STAT5A: variants seen among roughly 807,000 people sequenced by gnomAD.
STAT5A encodes epididymis secretory sperm binding protein.
STAT5A carries 26 observed loss-of-function variants against 100.2 expected under a neutral mutation model. The ratio of observed to expected loss-of-function variants is 0.26; its 90% confidence interval spans 0.19 to 0.36. STAT5A has a LOEUF of 0.36. Ranked by LOEUF, STAT5A falls within the 10% of genes least tolerant of loss-of-function variation. STAT5A has a pLI of 1.00. For synonymous variants in STAT5A, 330 were observed against 424.3 expected (o/e 0.78, Z 2.73); for missense variants, 634 against 1,027.5 (o/e 0.62, Z 5.24).
chr17:42,290,921 C>T (rs188844527), intron 3 of STAT5A, among the ~76,000 whole-genome samples: 9 of 152,258 alleles, frequency 5.9e-5, no homozygotes, highest in Non-Finnish European at 1.0e-4. Context: ...TTCCATGGAC[C>T]GGGATTGGGC....
At chr17:42,297,536 A>C (rs939798933) in intron 5 of STAT5A, among the ~76,000 whole-genome samples, 12 of 151,850 alleles carry the variant, frequency 7.9e-5, no homozygotes, top group Non-Finnish European at 1.3e-4. Flanking sequence ...TGCTTTTGCC[A>C]GGGAAGGCTC....
intron 5 of STAT5A, 85 bp from the exon 6 acceptor site, chr17:42,299,666 G>A (rs1438326563): frequency 5.6e-6 from 9 of 1,599,794 alleles, no homozygotes; most frequent in African/African-American, 1.3e-5. Context: ...GGAGGGTCTC[G>A]CTCCAGAACA....
upstream of STAT5A, chr17:42,287,948 CT>C (rs1315267022): frequency 6.6e-6 from 1 of 152,252 alleles, no homozygotes; most frequent in Non-Finnish European, 1.5e-5. Context: ...AGTTCTTCCC[CT>C]CTCTACAGTT....
In STAT5A at chr17:42,306,312, C is replaced by T; in HGVS notation, c.1545C>T (p.Phe515=). 6 of 1,614,092 alleles carry T rather than the reference C, an allele frequency of 3.7e-6. No individual in the cohort carries two copies. The highest frequency in any genetic ancestry group is 3.4e-6 in the Non-Finnish European group (4 of 1,179,952). The part of the protein sequence containing the change: ...PQLCEALNMK[F]KAEVQSNRGL... ...TGTGTGAGGCGCTCAACATGAAATT[C>T]AAGGCCGAAGTGCAGAGCAACCGGG... Residue 515 remains phenylalanine, a synonymous_variant, in exon 13 of 19, where the codon TTC becomes TTT. Transcript: ENST00000590949.
chr17:42,301,656 G>A (rs146148044), intron 9 of STAT5A, among the ~76,000 whole-genome samples: 43 of 152,298 alleles, frequency 2.8e-4, no homozygotes, highest in African/African-American at 9.9e-4. Flanking sequence ...ACACCCAGCC[G>A]AGTATCCGTT....
intron 9 of STAT5A, among the ~76,000 whole-genome samples, chr17:42,302,000 CA>C (rs1295373545): frequency 6.6e-6 from 1 of 152,140 alleles, no homozygotes; most frequent in Non-Finnish European, 1.5e-5. Flanking sequence ...CTCATCGCTA[CA>C]AAAAGTTTTA....
chr17:42,300,277 T>A lies in STAT5A; in HGVS notation c.829T>A (p.Ser277Thr), dbSNP rs2080963882. The A allele has an allele frequency of 6.5e-7, 1 of 1,534,978 alleles. No homozygotes were observed. Among genetic ancestry groups the A allele is most frequent in the South Asian group, 1.2e-5 (1 of 82,074 alleles). ...CGAGGGCAGCCTGGACGTGCTACAG[T>A]CCTGGTAATGGTGTGGGGCGGCCAG... ...PPEGSLDVLQSWCEKLAEIIW... is the reference protein window; with the variant it reads ...PPEGSLDVLQTWCEKLAEIIW... Residue 277 changes from serine (S) to threonine (T), a missense_variant, in exon 7 of 19, where the codon TCC becomes ACC. This residue lies in a region of STAT5A where 31 missense variants were observed against 97.6 expected (regional missense o/e 0.32). Coordinates refer to ENST00000590949, the MANE Select transcript of STAT5A (RefSeq NM_001288718.2).
chr17:42,294,895 C>A (rs1442779719), intron 4 of STAT5A, among the ~76,000 whole-genome samples: 3 of 141,728 alleles, frequency 2.1e-5, no homozygotes, highest in African/African-American at 8.7e-5. Flanking sequence ...CTACCCCTCT[C>A]TCTCTATTTT....
intron 3 of STAT5A, 39 bp from the exon 4 acceptor site, chr17:42,291,933 C>T: frequency 6.2e-7 from 1 of 1,606,794 alleles, no homozygotes; most frequent in Non-Finnish European, 8.5e-7. Flanking sequence ...ATGGCTGGAG[C>T]AGAGGATGGC....
At chr17:42,296,163 G>A (rs1045593928) in intron 5 of STAT5A, among the ~76,000 whole-genome samples, 1 of 152,108 alleles carries the variant, frequency 6.6e-6, no homozygotes, top group African/African-American at 2.4e-5. Context: ...CTCCTTAATG[G>A]TATGTATTCT....
Position 42,308,984 on chromosome 17 carries a change from G to T in STAT5A, c.2063-63G>T. 1 of 1,609,860 alleles carries T rather than the reference G, an allele frequency of 6.2e-7. No individual in the cohort carries two copies. The highest frequency in any genetic ancestry group is 1.7e-5 in the Admixed American group (1 of 59,996). On this transcript the variant is annotated intron_variant, in intron 16 of 18. Transcript: ENST00000590949. The surrounding 1 kb of genome is among the most constrained non-coding windows in gnomAD (Gnocchi z 4.6). ...AGGAGGGAGACTACATGGGGCGTGG[G>T]CTTCCACCCCACTTGGGAGTTCCCA...
Position 42,310,523 on chromosome 17 carries a change from G to T in STAT5A, c.2239G>T (p.Asp747Tyr), listed in dbSNP as rs749996722. The change falls in exon 19 of 19, where the codon GAT (aspartate) becomes TAT (tyrosine). Residue 747 changes from aspartate to tyrosine, a missense_variant. This residue lies in a region of STAT5A where 88 missense variants were observed against 95.1 expected (regional missense o/e 0.92). Transcript: ENST00000590949. Reference sequence around the variant, plus strand: ...CTTTACCAGCCCTGACCATGTACTCGATCAGGATGGAGAATTCGACCTGGA... The same window carrying T: ...CTTTACCAGCCCTGACCATGTACTCTATCAGGATGGAGAATTCGACCTGGA... Reference protein sequence around the residue: ...MYPQNPDHVLDQDGEFDLDET... With the variant: ...MYPQNPDHVLYQDGEFDLDET... 1 of 1,614,152 alleles carries T rather than the reference G, an allele frequency of 6.2e-7. No individual in the cohort carries two copies. Among genetic ancestry groups the T allele is most frequent in the Non-Finnish European group, 8.5e-7 (1 of 1,180,024 alleles).
intron 1 of STAT5A, chr17:42,289,157 A>C: frequency 2.5e-6 from 1 of 393,346 alleles, no homozygotes; most frequent in South Asian, 6.7e-5. Context: ...AGGGGAGAGG[A>C]AGACGGGGAG....
Position 42,301,467 on chromosome 17 carries a change from C to A in STAT5A, c.1169+13C>A. 1 of 1,613,972 alleles carries A rather than the reference C, an allele frequency of 6.2e-7. No homozygotes were observed. The highest frequency in any genetic ancestry group is 8.5e-7 in the Non-Finnish European group (1 of 1,179,914). ...AGAACACCCGCAAGTAATTGTGCCTCTCCCTTCCCCTGCCCAAGCTTAGGT... is the reference window on the plus strand; with the variant it reads ...AGAACACCCGCAAGTAATTGTGCCTATCCCTTCCCCTGCCCAAGCTTAGGT... On this transcript the variant is annotated intron_variant, in intron 9 of 18. Coordinates refer to ENST00000590949, the MANE Select transcript of STAT5A (RefSeq NM_001288718.2).
chr17:42,309,163 C>CA (rs1457429644), intron 17 of STAT5A, 65 bp downstream of exon 17: 239 of 1,611,696 alleles, frequency 1.5e-4, no homozygotes, highest in Non-Finnish European at 1.8e-4. Flanking sequence ...CCCTGCCTCC[C>CA]ATCCTGATCC....
At chr17:42,309,836 T>TA (rs779870120) in intron 18 of STAT5A, 1 of 232,194 alleles carries the variant, frequency 4.3e-6, no homozygotes, top group Non-Finnish European at 8.5e-6. Flanking sequence ...AAGGGCTTGA[T>TA]ACAGGGTAGC....
In STAT5A at chr17:42,308,111, T is replaced by C; in HGVS notation, c.1907-67T>C. ...CCAGATTTCTCTTGCAAGCCTGCCC[T>C]AAAGCCCCACAACCTTGGTCCTCCT... On this transcript the variant is annotated intron_variant, in intron 15 of 18. Transcript: ENST00000590949. The surrounding 1 kb of genome is among the most constrained non-coding windows in gnomAD (Gnocchi z 4.6). The C allele has an allele frequency of 6.3e-7, 1 of 1,587,198 alleles. No homozygotes were observed. Among genetic ancestry groups the C allele is most frequent in the South Asian group, 1.2e-5 (1 of 86,650 alleles).
At chr17:42,294,943 G>A (rs1421053449) in intron 4 of STAT5A, among the ~76,000 whole-genome samples, 1 of 151,384 alleles carries the variant, frequency 6.6e-6, no homozygotes, top group Admixed American at 6.6e-5. Context: ...TGTTGCCAAG[G>A]CTAGAGTGCA....
At chr17:42,298,145 G>T (rs1297446158) in intron 5 of STAT5A, among the ~76,000 whole-genome samples, 2 of 151,784 alleles carry the variant, frequency 1.3e-5, no homozygotes, top group African/African-American at 4.9e-5. Flanking sequence ...CATCCCCTGT[G>T]TCTTACGTAT....
Sources: allele counts gnomAD v4.1 joint callset (sites outside exome capture counted in the v4.1 genomes callset), GRCh38; gene constraint gnomAD v4.1.1; regional missense constraint gnomAD v4.1.1; non-coding constraint Gnocchi (gnomAD v3.1); transcripts MANE v1.5; gene names NCBI Gene and HGNC (gene_info 2026-07-23, HGNC 2026-07-21).